The following GALNT13 variants were observed in gnomAD, a reference collection of about 807,000 sequenced individuals.
GALNT13 encodes the protein UDP-GalNAc:polypeptide N-acetylgalactosaminyltransferase 13.
GALNT13 carries 28 observed loss-of-function variants against 64.2 expected under a neutral mutation model. The observed-to-expected ratio is 0.44, with a 90% CI of 0.32 to 0.60. The LOEUF is 0.60. GALNT13 is among the 20% of genes least tolerant of loss of function. The pLI is 0.05. For synonymous variants in GALNT13, 214 were observed against 224.6 expected, an observed-to-expected ratio of 0.95 and a Z score of 0.42; for missense variants, 577 against 669.8, an observed-to-expected ratio of 0.86 and a Z score of 1.53.
chr2:153,789,331 T>G, the GALNT13 span, among the ~76,000 whole-genome samples: 5 of 146,466 alleles, frequency 3.4e-5, no homozygotes, highest in South Asian at 1.1e-3. Flanking sequence ...TTAAACAACC[T>G]GATCCAGATG....
chr2:154,014,577 G>GTTT (rs35992474), intron 3 of GALNT13, among the ~76,000 whole-genome samples: 8 of 136,794 alleles, frequency 5.8e-5, no homozygotes, highest in South Asian at 4.7e-4. Flanking sequence ...TCTTTCCTCT[G>GTTT]TTTTTTTTTG....
chr2:154,103,068 G>A (rs1046582984), intron 3 of GALNT13, among the ~76,000 whole-genome samples: 11 of 151,650 alleles, frequency 7.3e-5, no homozygotes, highest in African/African-American at 2.4e-4. Flanking sequence ...GCAAGATCAA[G>A]TATTTTTTTT....
At chr2:153,759,709 A>G in the GALNT13 span, among the ~76,000 whole-genome samples, 2 of 152,034 alleles carry the variant, frequency 1.3e-5, no homozygotes, top group Non-Finnish European at 2.9e-5. Flanking sequence ...TGTTGATTAG[A>G]TATTGCTAAC....
the GALNT13 span, among the ~76,000 whole-genome samples, chr2:153,401,940 A>G: frequency 1.7e-4 from 26 of 149,430 alleles, no homozygotes; most frequent in South Asian, 8.7e-4. Flanking sequence ...TAAAGTTAAT[A>G]TTGTTATGTG....
chr2:153,098,347 C>G, the GALNT13 span, among the ~76,000 whole-genome samples: 1 of 152,128 alleles, frequency 6.6e-6, no homozygotes, highest in Admixed American at 6.6e-5. Flanking sequence ...ATCCTTGGCT[C>G]CCAGCTTATT....
intron 4 of GALNT13, among the ~76,000 whole-genome samples, chr2:154,141,712 C>A (rs1683270004): frequency 6.6e-6 from 1 of 152,134 alleles, no homozygotes; most frequent in Non-Finnish European, 1.5e-5. Flanking sequence ...TTTTCCAGCA[C>A]AAAAATAGCT....
chr2:153,464,246 G>A, the GALNT13 span, among the ~76,000 whole-genome samples: 303 of 152,168 alleles, frequency 2.0e-3, 1 homozygote, highest in African/African-American at 6.7e-3. Flanking sequence ...CTGAGCACCC[G>A]TTTTGTATGT....
the GALNT13 span, among the ~76,000 whole-genome samples, chr2:153,526,486 T>C: frequency 6.6e-6 from 1 of 152,190 alleles, no homozygotes; most frequent in Non-Finnish European, 1.5e-5. Flanking sequence ...AGAATCAGTG[T>C]TACTAGGCTT....
chr2:153,886,874 G>C (rs528109376), intron 1 of GALNT13, among the ~76,000 whole-genome samples: 11 of 151,886 alleles, frequency 7.2e-5, no homozygotes, highest in African/African-American at 2.7e-4. Flanking sequence ...TAAGATAAAT[G>C]TAGAGATTCA....
intron 2 of GALNT13, among the ~76,000 whole-genome samples, chr2:153,929,809 A>G (rs950362230): frequency 4.6e-5 from 7 of 152,156 alleles, no homozygotes; most frequent in Non-Finnish European, 8.8e-5. Context: ...CAATGAACAT[A>G]CACATATATA....
intron 9 of GALNT13, among the ~76,000 whole-genome samples, chr2:154,348,476 A>G (rs1253262915): frequency 6.6e-6 from 1 of 152,090 alleles, no homozygotes; most frequent in Non-Finnish European, 1.5e-5. Context: ...ATTAGAGTCA[A>G]AAGGGAAGAA....
intron 9 of GALNT13, among the ~76,000 whole-genome samples, chr2:154,363,279 G>C (rs1200211106): frequency 1.3e-5 from 2 of 152,200 alleles, no homozygotes; most frequent in African/African-American, 4.8e-5. Flanking sequence ...GTATGGCTTA[G>C]ATATTCTCAA....
At chr2:154,101,343 T>C (rs1200191016) in intron 3 of GALNT13, among the ~76,000 whole-genome samples, 1 of 152,060 alleles carries the variant, frequency 6.6e-6, no homozygotes, top group Non-Finnish European at 1.5e-5. Context: ...TCATTCTTGC[T>C]CTTTTTAAGG....
At chr2:153,591,534 T>G in the GALNT13 span, among the ~76,000 whole-genome samples, 1 of 152,148 alleles carries the variant, frequency 6.6e-6, no homozygotes, top group African/African-American at 2.4e-5. Flanking sequence ...TTGCATTACC[T>G]GACTTCAAGT....
the GALNT13 span, among the ~76,000 whole-genome samples, chr2:153,146,723 GAC>G: frequency 6.6e-6 from 1 of 151,844 alleles, no homozygotes; most frequent in Non-Finnish European, 1.5e-5. Flanking sequence ...TGGTAGAAAA[GAC>G]ACTACTAAAG....
At chr2:153,095,893 G>T in the GALNT13 span, among the ~76,000 whole-genome samples, 1 of 152,144 alleles carries the variant, frequency 6.6e-6, no homozygotes, top group East Asian at 1.9e-4. Flanking sequence ...TCATGGGGTG[G>T]GGGGAGCGGG....
At chr2:153,814,465 G>GTAAGTAAA in the GALNT13 span, among the ~76,000 whole-genome samples, 503 of 148,986 alleles carry the variant, frequency 3.4e-3, 4 homozygotes, top group East Asian at 0.02. Context: ...AAGTAAGTAA[G>GTAAGTAAA]TAAATAAATA....
chr2:153,486,921 G>T, the GALNT13 span, among the ~76,000 whole-genome samples: 1 of 152,140 alleles, frequency 6.6e-6, no homozygotes. Context: ...TAAGAAACAA[G>T]AGTTGCACCA....
intron 9 of GALNT13, among the ~76,000 whole-genome samples, chr2:154,335,437 C>T (rs1470065317): frequency 6.6e-6 from 1 of 151,954 alleles, no homozygotes; most frequent in Non-Finnish European, 1.5e-5. Flanking sequence ...AATGTGTTTT[C>T]TCCCCTTTTC....
Sources: allele counts gnomAD v4.1 joint callset (sites outside exome capture counted in the v4.1 genomes callset), GRCh38; gene constraint gnomAD v4.1.1; transcripts MANE v1.5; gene names NCBI Gene and HGNC (gene_info 2026-07-23, HGNC 2026-07-21).